The following PEMT variants were observed in gnomAD, a reference collection of about 807,000 sequenced individuals.
PEMT encodes the protein phosphatidylethanolamine N-methyltransferase, also known as phospholipid methyltransferase.
A neutral mutation model predicts 27.4 loss-of-function variants in PEMT; 23 were observed. The observed-to-expected ratio is 0.84, with a 90% CI of 0.60 to 1.19. PEMT has a LOEUF of 1.19. PEMT is among the 50% of genes most tolerant of loss of function. PEMT has a pLI of 0.00. For missense variants in PEMT, 307 were observed against 310.1 expected (o/e 0.99, Z 0.07); for synonymous variants, 137 against 139.1 (o/e 0.98, Z 0.11).
At chr17:17,517,143 T>C (rs1401676420) in intron 3 of PEMT, among the ~76,000 whole-genome samples, 2 of 152,100 alleles carry the variant, frequency 1.3e-5, no homozygotes, top group African/African-American at 4.8e-5. Context: ...GACCACGCCT[T>C]GGGTGAGCTC....
At chr17:17,519,040 C>T (rs1108579) in intron 3 of PEMT, 62,063 of 152,162 alleles carry the variant, frequency 0.41, 13,751 homozygotes, top group Non-Finnish European at 0.51. Flanking sequence ...TAGACAGCCA[C>T]TGAAGCGAGG....
intron 2 of PEMT, among the ~76,000 whole-genome samples, chr17:17,531,621 C>CAAGA (rs1908099552): frequency 1.6e-5 from 1 of 62,382 alleles, no homozygotes; most frequent in South Asian, 9.6e-4. Flanking sequence ...CTATCATATG[C>CAAGA]AAAAAAAAAA....
chr17:17,540,664 C>CCT (rs1273876051), intron 2 of PEMT, among the ~76,000 whole-genome samples: 2 of 152,126 alleles, frequency 1.3e-5, no homozygotes, highest in Non-Finnish European at 2.9e-5. Flanking sequence ...CCATGCTGCC[C>CCT]CTCTCCAACA....
At chr17:17,527,951 T>C (rs1164561623) in intron 2 of PEMT, among the ~76,000 whole-genome samples, 2 of 152,218 alleles carry the variant, frequency 1.3e-5, no homozygotes, top group Admixed American at 1.3e-4. Context: ...AGGTCCCATC[T>C]GGATTCCACA....
chr17:17,588,350 C>T (rs904342862), intron 1 of PEMT, among the ~76,000 whole-genome samples: 1 of 152,122 alleles, frequency 6.6e-6, no homozygotes, highest in South Asian at 2.1e-4. Flanking sequence ...AGTCAAGATA[C>T]CCCGCATCGG....
At chr17:17,574,376 G>T (rs959219405) in intron 2 of PEMT, among the ~76,000 whole-genome samples, 4 of 142,674 alleles carry the variant, frequency 2.8e-5, no homozygotes, top group Non-Finnish European at 6.0e-5. Context: ...CTGGAGTACA[G>T]TGGTGCCATC....
At chr17:17,581,087 G>A (rs1911947869) in intron 1 of PEMT, among the ~76,000 whole-genome samples, 2 of 152,182 alleles carry the variant, frequency 1.3e-5, no homozygotes, top group African/African-American at 2.4e-5. Context: ...TCCAGGGCCA[G>A]GAAAAACACT....
chr17:17,588,841 G>A lies in PEMT; in HGVS notation c.96+2690C>T, dbSNP rs563020172. ...GCCTTCAGGCAGCTGCCCAGCTGAG[G>A]AGCAAGGCTCCAGAATCCTGACAGG... On this transcript the variant is annotated intron_variant, in intron 1 of 6. Coordinates refer to ENST00000255389, the MANE Select transcript of PEMT (RefSeq NM_148172.3). Among the ~76,000 whole-genome samples the A allele has an allele frequency of 3.3e-5, 5 of 152,370 alleles. No individual in the cohort carries two copies. In the East Asian group the frequency reaches 9.6e-4, roughly 29 times the overall value.
chr17:17,549,000 C>T (rs1332720039), intron 2 of PEMT, among the ~76,000 whole-genome samples: 1 of 151,912 alleles, frequency 6.6e-6, no homozygotes, highest in Admixed American at 6.6e-5. Context: ...CAACCCTCTG[C>T]AGTGACAAGC....
At chr17:17,586,458 G>C (rs1452669052) in intron 1 of PEMT, among the ~76,000 whole-genome samples, 10 of 152,038 alleles carry the variant, frequency 6.6e-5, no homozygotes, top group Non-Finnish European at 1.3e-4. Flanking sequence ...AAATTTAAAC[G>C]AATAGAAAGC....
At chr17:17,551,353 C>T (rs1244212535) in intron 2 of PEMT, among the ~76,000 whole-genome samples, 1 of 152,196 alleles carries the variant, frequency 6.6e-6, no homozygotes, top group Non-Finnish European at 1.5e-5. Flanking sequence ...AAATTTTGAA[C>T]ATAATAACTG....
chr17:17,520,064 G>C lies in PEMT; in HGVS notation c.320+2216C>G, dbSNP rs976574146. On this transcript the variant is annotated intron_variant, in intron 3 of 6. Transcript: ENST00000255389. ...GCCCTGGGCTGAGTCTCAACCCTCT[G>C]CAGCCCTCCACCTGTCTTCAGCCTC... is the stretch of plus-strand genomic sequence containing the variant. 2.6e-5 allele frequency among the ~76,000 whole-genome samples: 4 copies of C among 152,206 alleles called. No individual in the cohort carries two copies. In the South Asian group the frequency reaches 8.3e-4, roughly 31 times the overall value.
At chr17:17,535,582 A>C (rs1908407490) in intron 2 of PEMT, among the ~76,000 whole-genome samples, 1 of 143,846 alleles carries the variant, frequency 7.0e-6, no homozygotes, top group Admixed American at 6.9e-5. Flanking sequence ...AAAAAAAAAA[A>C]GTCCTTACTT....
intron 4 of PEMT, among the ~76,000 whole-genome samples, chr17:17,510,300 T>A (rs1906268629): frequency 6.6e-6 from 1 of 152,112 alleles, no homozygotes; most frequent in Admixed American, 6.5e-5. Context: ...ACAGTGTCTG[T>A]CCCAGGCCCA....
chr17:17,576,269 G>A (rs753370229), intron 2 of PEMT, among the ~76,000 whole-genome samples: 2 of 152,146 alleles, frequency 1.3e-5, no homozygotes, highest in African/African-American at 4.8e-5. Flanking sequence ...CACTTTCCTC[G>A]AAGGGCCCAG....
intron 1 of PEMT, chr17:17,577,510 T>C (rs1339736340): frequency 1.0e-6 from 1 of 1,001,872 alleles, no homozygotes. Context: ...AGGGTGTGAG[T>C]GGGGCGGGGT....
rs891607598 is a variant in PEMT at position 17,582,366 on chromosome 17, G to T, written c.97-5339C>A. 4.5e-5 allele frequency: 44 copies of T among 985,356 alleles called. No homozygotes were observed. The African/African-American group carries it at 6.3e-4, about 14-fold the overall frequency. 61.0% of individuals were successfully genotyped at this position (985,356 alleles called of 1,614,324 possible). On this transcript the variant is annotated intron_variant, in intron 1 of 6. Transcript: ENST00000255389. This position sits in a 1 kb window ranked among gnomAD's most constrained non-coding sequence, Gnocchi z 4.9. ...AACACCCCAAAGCATGGGTAAGGAA[G>T]AGGCTTTATGGTAATTTACTCCATT...
chr17:17,519,715 GT>G (rs1353963239), intron 3 of PEMT, among the ~76,000 whole-genome samples: 1 of 152,220 alleles, frequency 6.6e-6, no homozygotes, highest in Non-Finnish European at 1.5e-5. Flanking sequence ...ATCACAGGCT[GT>G]GCTGCTGGAC....
At chr17:17,563,594 C>T (rs1910634926) in intron 2 of PEMT, among the ~76,000 whole-genome samples, 1 of 152,202 alleles carries the variant, frequency 6.6e-6, no homozygotes, top group Admixed American at 6.5e-5. Flanking sequence ...AGCAACATCG[C>T]CCATCCACGC....
Sources: gnomAD v4.1 joint callset for allele counts (sites outside exome capture counted in the v4.1 genomes callset) on GRCh38, gnomAD v4.1.1 for gene constraint, Gnocchi (gnomAD v3.1) non-coding constraint, MANE v1.5 for transcripts, NCBI Gene and HGNC (gene_info 2026-07-23, HGNC 2026-07-21) for gene names.